CCDC157: variants seen among roughly 807,000 people sequenced by gnomAD.
CCDC157 encodes coiled-coil domain containing 157.
In CCDC157, 60 loss-of-function variants were observed where a neutral mutation model predicts 70.9. That is an observed-to-expected ratio of 0.85 (90% CI 0.69 to 1.05). The LOEUF (loss-of-function observed/expected upper bound fraction) is 1.05. CCDC157 is among the 50% of genes least tolerant of loss of function. The probability of loss-of-function intolerance (pLI) is 0.00; values close to 1 mark genes in which losing one functional copy is unlikely to be tolerated. For missense variants in CCDC157, 943 were observed against 984.2 expected, an observed-to-expected ratio of 0.96 and a Z score of 0.56; for synonymous variants, 373 against 422.4, an observed-to-expected ratio of 0.88 and a Z score of 1.43.
chr22:30,375,411 TTGTGCCTCCAGGCCACCTGCCCAAGCTGG>T, intron 9 of CCDC157, 39 bp from the exon 10 acceptor site: 6 of 1,507,342 alleles, frequency 4.0e-6, no homozygotes, highest in Non-Finnish European at 5.5e-6. Context: ...CACAGCTCCT[TTGTGCCTCCAGGCCACCTGCCCAAGCTGG>T]TGTGCCTCCC....
chr22:30,366,407 G>A (rs187626585), intron 3 of CCDC157, 159 bp downstream of exon 3: 1 of 824,684 alleles, frequency 1.2e-6, no homozygotes, highest in African/African-American at 1.7e-5. Flanking sequence ...CTTTCAAAGT[G>A]GTCTTACCTT....
At chr22:30,364,954 C>A (rs1932622220) in intron 2 of CCDC157, among the ~76,000 whole-genome samples, 1 of 152,070 alleles carries the variant, frequency 6.6e-6, no homozygotes, top group Admixed American at 6.6e-5. Context: ...CTTTGCGATT[C>A]TTTTTCTTTT....
intron 5 of CCDC157, 87 bp from the exon 6 acceptor site, chr22:30,371,563 C>A: frequency 8.9e-7 from 1 of 1,123,424 alleles, no homozygotes. Context: ...CGATGGGCTG[C>A]CTCCACTCCA....
intron 7 of CCDC157, 199 bp downstream of exon 7, chr22:30,372,485 C>A: frequency 1.4e-6 from 1 of 707,480 alleles, no homozygotes; most frequent in Non-Finnish European, 2.2e-6. Context: ...GGGACTGATA[C>A]TGCCCAGTGA....
Position 30,366,136 on chromosome 22 carries a change from A to C in CCDC157, c.136A>C (p.Met46Leu). The stretch of plus-strand genomic sequence containing the variant: ...CCCCTCCTGGAAGTTCCCTGACCGC[A>C]TGGCCTGTGACCTCGACATGGTGGC... ...RFPSWKFPDR[M>L]ACDLDMVALL... is the part of the protein sequence containing the mutation. The change falls in exon 3 of 12, where the codon ATG (methionine) becomes CTG (leucine). Residue 46 changes from methionine to leucine, a missense_variant. By Grantham distance (15) the Met-to-Leu change is conservative (BLOSUM62 2). Transcript: ENST00000338306. 6.2e-7 allele frequency: 1 copy of C among 1,613,720 alleles called. No homozygotes were observed. Among genetic ancestry groups the C allele is most frequent in the Non-Finnish European group, 8.5e-7 (1 of 1,180,028 alleles).
At chr22:30,363,291 G>C (rs1345123073) in intron 2 of CCDC157, among the ~76,000 whole-genome samples, 3 of 152,306 alleles carry the variant, frequency 2.0e-5, no homozygotes, top group Admixed American at 2.0e-4. Context: ...GAAGCATTCT[G>C]TGTGGGCCGC....
chr22:30,360,900 C>T (rs1290413571), intron 1 of CCDC157, among the ~76,000 whole-genome samples: 1 of 151,850 alleles, frequency 6.6e-6, no homozygotes, highest in African/African-American at 2.4e-5. Context: ...TACAAAAATT[C>T]ACTGGGCATG....
In CCDC157 at chr22:30,377,796, CAAG is replaced by C; in HGVS notation, c.*1052_*1054del. The C allele has an allele frequency of 7.7e-6, 2 of 259,912 alleles. No homozygotes were observed. The highest frequency in any genetic ancestry group is 3.9e-5 in the South Asian group (1 of 25,494). The allele number at this position is 259,912 out of a possible 1,614,324, so 16.1% of individuals were successfully genotyped here. ...CACCCTGAGCCAGAAGGCCTGTGCT[CAAG>C]TCCAGGGGAAGGACCTCACAGCTGA... On this transcript the variant is annotated 3_prime_UTR_variant, in exon 12 of 12. Transcript: ENST00000338306.
intron 9 of CCDC157, chr22:30,374,952 GTCTTTTTT>G: frequency 3.5e-6 from 1 of 285,800 alleles, no homozygotes; most frequent in Admixed American, 5.4e-5. Flanking sequence ...TATTTGCTAA[GTCTTTTTT>G]TTTTTTTTTT....
At chr22:30,361,522 A>T (rs1336450572) in intron 1 of CCDC157, among the ~76,000 whole-genome samples, 1 of 152,070 alleles carries the variant, frequency 6.6e-6, no homozygotes, top group Non-Finnish European at 1.5e-5. Flanking sequence ...TTGCATTTCT[A>T]AGGTGCCATA....
At chr22:30,371,924 T>G (rs1932967452) in intron 6 of CCDC157, 151 bp from the exon 7 acceptor site, 1 of 743,288 alleles carries the variant, frequency 1.3e-6, no homozygotes, top group African/African-American at 1.8e-5. Context: ...GCGCCTTCTA[T>G]TTTCCAAACC....
intron 3 of CCDC157, chr22:30,366,684 G>A: frequency 4.7e-6 from 1 of 211,500 alleles, no homozygotes; most frequent in East Asian, 1.1e-4. Context: ...GACACGGGAT[G>A]TGGTTTTCCA....
At position 30,366,128 on chromosome 22, in the gene CCDC157, C is replaced by T. The variant is rs5753099; in HGVS notation, c.128C>T (p.Pro43Leu). Residue 43 changes from proline (P) to leucine (L), a missense_variant, in exon 3 of 12, where the codon CCT becomes CTT. Physicochemically the swap from Pro to Leu is moderately conservative, Grantham distance 98. Coordinates refer to ENST00000338306, the MANE Select transcript of CCDC157 (RefSeq NM_001017437.5). ...GPVRFPSWKF[P>L]DRMACDLDMV... is the part of the protein sequence containing the mutation. Reference sequence around the variant, plus strand: ...GTGCGCTTCCCCTCCTGGAAGTTCCCTGACCGCATGGCCTGTGACCTCGAC... The same window carrying T: ...GTGCGCTTCCCCTCCTGGAAGTTCCTTGACCGCATGGCCTGTGACCTCGAC... The T allele has an allele frequency of 1.2e-6, 2 of 1,613,530 alleles. No homozygotes were observed. Among genetic ancestry groups the T allele is most frequent in the Non-Finnish European group, 1.7e-6 (2 of 1,180,046 alleles).
chr22:30,378,533 CAGG>C lies in CCDC157; in HGVS notation c.*1791_*1793del, dbSNP rs1192680274. 6.4e-6 allele frequency: 1 copy of C among 156,518 alleles called. No homozygotes were observed. Among genetic ancestry groups the C allele is most frequent in the Non-Finnish European group, 1.4e-5 (1 of 70,508 alleles). The allele number at this position is 156,518 out of a possible 1,614,324, so 9.7% of individuals were successfully genotyped here. On this transcript the variant is annotated 3_prime_UTR_variant, in exon 12 of 12. Transcript: ENST00000338306. ...ATCCCAGCTACTTGGGAGGCTGAGA[CAGG>C]AGAATTGCTTGAACCCGGGAGGCGG...
chr22:30,376,851 G>C lies in CCDC157; in HGVS notation c.*106G>C. ...GCAATCTTTGCCTCACAGTATGACT[G>C]AGCCAAGGAAAGAACCCTTCCTTCC... On this transcript the variant is annotated 3_prime_UTR_variant, in exon 12 of 12. Coordinates refer to ENST00000338306, the MANE Select transcript of CCDC157 (RefSeq NM_001017437.5). 2 of 1,179,096 alleles carry C rather than the reference G, an allele frequency of 1.7e-6. No individual in the cohort carries two copies. The highest frequency in any genetic ancestry group is 2.4e-6 in the Non-Finnish European group (2 of 840,890). 73.0% of individuals were successfully genotyped at this position (1,179,096 alleles called of 1,614,324 possible).
chr22:30,356,993 C>G (rs1009633290), upstream of CCDC157: 4 of 437,730 alleles, frequency 9.1e-6, no homozygotes, highest in African/African-American at 8.1e-5. Flanking sequence ...GCGGGCACCG[C>G]GGCGTCCGAC....
rs559467736 is a variant in CCDC157 at position 30,377,804 on chromosome 22, G to A, written c.*1059G>A. On this transcript the variant is annotated 3_prime_UTR_variant, in exon 12 of 12. Transcript: ENST00000338306. ...GCCAGAAGGCCTGTGCTCAAGTCCAGGGGAAGGACCTCACAGCTGAGTAGC... is the reference window on the plus strand; with the variant it reads ...GCCAGAAGGCCTGTGCTCAAGTCCAAGGGAAGGACCTCACAGCTGAGTAGC... 4 of 269,362 alleles carry A rather than the reference G, an allele frequency of 1.5e-5. No homozygotes were observed. The highest frequency in any genetic ancestry group is 7.2e-5 in the South Asian group (2 of 27,798). 16.7% of individuals were successfully genotyped at this position (269,362 alleles called of 1,614,324 possible). A position where few individuals can be genotyped will look rare whatever the true frequency, so the allele number is the denominator to read the frequency against.
At position 30,370,495 on chromosome 22, in the gene CCDC157, A is replaced by C. The variant is rs528157435; in HGVS notation, c.590A>C (p.Gln197Pro). 1 of 1,614,092 alleles carries C rather than the reference A, an allele frequency of 6.2e-7. No homozygotes were observed. The highest frequency in any genetic ancestry group is 1.3e-5 in the African/African-American group (1 of 75,060). Residue 197 changes from glutamine (Q) to proline (P), a missense_variant, in exon 5 of 12, where the codon CAG (glutamine) becomes CCG (proline). Gln to Pro is a moderately conservative substitution (Grantham distance 76). Transcript: ENST00000338306. ...PESIPVRASL[Q>P]FPATTFKNTR... ...AGCATCCCTGTCAGAGCCTCCCTGC[A>C]GTTCCCAGCCACGACCTTCAAGAAC...
intron 3 of CCDC157, among the ~76,000 whole-genome samples, chr22:30,368,621 G>A (rs759027631): frequency 1.6e-4 from 25 of 152,244 alleles, no homozygotes; most frequent in Non-Finnish European, 2.9e-4. Flanking sequence ...CCTGTTTGCA[G>A]AGGAGGACAC....
Sources: gnomAD v4.1 joint callset for allele counts (sites outside exome capture counted in the v4.1 genomes callset) on GRCh38, gnomAD v4.1.1 for gene constraint, MANE v1.5 for transcripts, NCBI Gene and HGNC (gene_info 2026-07-23, HGNC 2026-07-21) for gene names.